The following SLC13A4 variants were observed in gnomAD, a reference collection of about 807,000 sequenced individuals.
SLC13A4 encodes the protein solute carrier family 13 member 4, also known as Na(+)/sulfate cotransporter SUT-1.
In SLC13A4, 28 loss-of-function variants were observed where a neutral mutation model predicts 72.7. The observed-to-expected ratio is 0.39, with a 90% CI of 0.29 to 0.53. SLC13A4 has a LOEUF of 0.53. SLC13A4 is among the 20% of genes least tolerant of loss of function. The pLI is 0.78. For synonymous variants in SLC13A4, 312 were observed against 325.5 expected (o/e 0.96, Z 0.45); for missense variants, 653 against 788.0 (o/e 0.83, Z 2.05).
At chr7:135,727,315 G>A in intron 1 of SLC13A4, 83 bp downstream of exon 1, 3 of 1,499,714 alleles carry the variant, frequency 2.0e-6, no homozygotes, top group Non-Finnish European at 2.7e-6. Context: ...GACTGCCTGA[G>A]CGCCCCATGT....
Position 135,699,508 on chromosome 7 carries a change from T to C in SLC13A4, c.755A>G (p.Lys252Arg). 1 of 1,611,456 alleles carries C rather than the reference T, an allele frequency of 6.2e-7. No individual in the cohort carries two copies. The highest frequency in any genetic ancestry group is 8.5e-7 in the Non-Finnish European group (1 of 1,178,750). The change falls in exon 8 of 16, where the codon AAG becomes AGG. Residue 252 changes from lysine (K) to arginine (R), a missense_variant. Transcript: ENST00000682651. ...GTGGGACCTGTACTTTCTGTTCAGCTTCTGCTTCCTGGGGCTGGGGGTCAG... is the reference window on the plus strand; with the variant it reads ...GTGGGACCTGTACTTTCTGTTCAGCCTCTGCTTCCTGGGGCTGGGGGTCAG... ...QVLTPSPRKQ[K>R]LNRKYRSHHD...
At chr7:135,708,017 G>C in intron 3 of SLC13A4, 97 bp downstream of exon 3, 1 of 1,467,764 alleles carries the variant, frequency 6.8e-7, no homozygotes, top group Non-Finnish European at 9.3e-7. Context: ...AAAAACAGCT[G>C]AAGTGGACAT....
intron 2 of SLC13A4, among the ~76,000 whole-genome samples, chr7:135,718,717 A>C (rs1051622416): frequency 6.6e-6 from 1 of 152,224 alleles, no homozygotes; most frequent in African/African-American, 2.4e-5. Context: ...AAGTGGAAGA[A>C]TAACCCAAGT....
intron 2 of SLC13A4, among the ~76,000 whole-genome samples, chr7:135,715,486 TATGA>T (rs1293132440): frequency 1.5e-5 from 2 of 135,662 alleles, no homozygotes; most frequent in African/African-American, 2.9e-5. Flanking sequence ...TATGTGTATG[TATGA>T]GTGGGTGTGT....
At chr7:135,718,159 C>A (rs1796473952) in intron 2 of SLC13A4, among the ~76,000 whole-genome samples, 1 of 151,694 alleles carries the variant, frequency 6.6e-6, no homozygotes, top group Admixed American at 6.6e-5. Context: ...CAGAACATAT[C>A]CAGCTTCAGA....
chr7:135,700,655 A>G (rs1796011846), intron 7 of SLC13A4, among the ~76,000 whole-genome samples: 1 of 152,042 alleles, frequency 6.6e-6, no homozygotes, highest in Admixed American at 6.6e-5. Flanking sequence ...ATACATCCTT[A>G]TTTTTTTGAG....
At chr7:135,720,761 A>G (rs1164696429) in intron 2 of SLC13A4, among the ~76,000 whole-genome samples, 2 of 152,060 alleles carry the variant, frequency 1.3e-5, no homozygotes, top group Non-Finnish European at 2.9e-5. Context: ...TTTTGCCACA[A>G]CCTGGGCTTC....
intron 14 of SLC13A4, 129 bp downstream of exon 14, chr7:135,685,393 C>T: frequency 2.9e-6 from 2 of 687,978 alleles, no homozygotes; most frequent in Non-Finnish European, 4.9e-6. Context: ...AATTGAACAC[C>T]AATTAGTGAA....
chr7:135,719,781 ATGTGTGTGTGTG>A (rs968225969), intron 2 of SLC13A4, among the ~76,000 whole-genome samples: 1 of 146,016 alleles, frequency 6.8e-6, no homozygotes, highest in Non-Finnish European at 1.5e-5. Flanking sequence ...TCAATGCCAC[ATGTGTGTGTGTG>A]TGTGTGTGTA....
chr7:135,711,744 TGTC>T (rs1253896904), intron 2 of SLC13A4, among the ~76,000 whole-genome samples: 3 of 152,096 alleles, frequency 2.0e-5, no homozygotes, highest in African/African-American at 7.2e-5. Context: ...ACACATTTCT[TGTC>T]GTGTTTTTGT....
Position 135,726,380 on chromosome 7 carries a change from C to G in SLC13A4, c.99+1018G>C, listed in dbSNP as rs560424514. On this transcript the variant is annotated intron_variant, in intron 1 of 15. Coordinates refer to ENST00000682651, the MANE Select transcript of SLC13A4 (RefSeq NM_001318192.2). The stretch of plus-strand genomic sequence containing the variant: ...AAGCCAGTTTGTTTTTAAGAAGAAC[C>G]ATCCTAATCCCCTCTGTTTAACTGT... 2.4e-3 allele frequency among the ~76,000 whole-genome samples: 358 copies of G among 152,278 alleles called. 1 individual carries two copies. The highest frequency in any genetic ancestry group is 7.7e-3 in the African/African-American group (321 of 41,568).
intron 2 of SLC13A4, among the ~76,000 whole-genome samples, chr7:135,717,527 A>G (rs1475497535): frequency 1.3e-5 from 2 of 152,186 alleles, no homozygotes; most frequent in Admixed American, 6.5e-5. Context: ...CATGGTTTAT[A>G]CTTTCTCTCT....
chr7:135,715,001 TGA>T (rs1387127306), intron 2 of SLC13A4, among the ~76,000 whole-genome samples: 1 of 151,650 alleles, frequency 6.6e-6, no homozygotes, highest in Non-Finnish European at 1.5e-5. Flanking sequence ...TGTGTATATG[TGA>T]GTGTGTATTT....
intron 2 of SLC13A4, among the ~76,000 whole-genome samples, chr7:135,709,625 G>A (rs138363309): frequency 0.011 from 1,716 of 152,132 alleles, 9 homozygotes; most frequent in Non-Finnish European, 0.017. Flanking sequence ...TTGAGACATA[G>A]GGCAGTTAAA....
At chr7:135,723,148 C>T (rs189930414) in intron 1 of SLC13A4, among the ~76,000 whole-genome samples, 212 of 152,226 alleles carry the variant, frequency 1.4e-3, no homozygotes, top group African/African-American at 4.4e-3. Context: ...CTGCCCTAAC[C>T]AGGGTCTGGT....
chr7:135,710,515 C>A (rs1050589718), intron 2 of SLC13A4, among the ~76,000 whole-genome samples: 1 of 148,688 alleles, frequency 6.7e-6, no homozygotes, highest in Non-Finnish European at 1.5e-5. Context: ...GGGAATGGAG[C>A]TTAATGACAG....
At position 135,708,917 on chromosome 7, in the gene SLC13A4, ATTTTTTTTTTT is replaced by A. The variant is rs59407311; in HGVS notation, c.229-678_229-668del. 2.4e-3 allele frequency among the ~76,000 whole-genome samples: 173 copies of A among 71,478 alleles called. 5 individuals are homozygous for A. In the South Asian group the frequency reaches 0.076, roughly 31 times the overall value. The allele number at this position is 71,478 out of a possible 152,430, so 46.9% of individuals were successfully genotyped here. A position where few individuals can be genotyped will look rare whatever the true frequency, so the allele number is the denominator to read the frequency against. Reference sequence around the variant, plus strand: ...TTTCTTTGAGACAGAGTCTTGCTCAATTTTTTTTTTTTTTTTTTTTTTTTTTTTGTGAGATG... The same window carrying A: ...TTTCTTTGAGACAGAGTCTTGCTCAATTTTTTTTTTTTTTTTTGTGAGATG... On this transcript the variant is annotated intron_variant, in intron 2 of 15. Coordinates refer to ENST00000682651, the MANE Select transcript of SLC13A4 (RefSeq NM_001318192.2).
chr7:135,716,165 T>C (rs1373918718), intron 2 of SLC13A4, among the ~76,000 whole-genome samples: 1 of 152,186 alleles, frequency 6.6e-6, no homozygotes, highest in Non-Finnish European at 1.5e-5. Flanking sequence ...TATGGAAGCC[T>C]GGACTTATGT....
chr7:135,705,825 G>A (rs1584730613), intron 4 of SLC13A4, 175 bp from the exon 5 acceptor site: 1 of 628,502 alleles, frequency 1.6e-6, no homozygotes, highest in Non-Finnish European at 2.8e-6. Flanking sequence ...TGGCCCCAGG[G>A]TTTTGCAGTG....
Sources: allele counts gnomAD v4.1 joint callset (sites outside exome capture counted in the v4.1 genomes callset), GRCh38; gene constraint gnomAD v4.1.1; transcripts MANE v1.5; gene names NCBI Gene and HGNC (gene_info 2026-07-23, HGNC 2026-07-21).